SPRED1: variants seen among roughly 807,000 people sequenced by gnomAD.
SPRED1 encodes sprouty-related, EVH1 domain-containing protein 1.
SPRED1 carries 18 observed loss-of-function variants against 52.3 expected under a neutral mutation model. The ratio of observed to expected loss-of-function variants is 0.34; its 90% CI spans 0.24 to 0.51. The LOEUF is 0.51. Ranked by LOEUF, SPRED1 falls within the 20% of genes least tolerant of loss-of-function variation. The pLI is 0.97. For missense variants in SPRED1, 485 were observed against 551.0 expected (o/e 0.88, Z 1.20); for synonymous variants, 155 against 179.7 (o/e 0.86, Z 1.10).
chr15:38,254,280 C>G (rs1421187724), intron 1 of SPRED1, among the ~76,000 whole-genome samples: 2 of 152,104 alleles, frequency 1.3e-5, no homozygotes, highest in African/African-American at 4.8e-5. Flanking sequence ...TTTGAAATAA[C>G]TTTTTAAAGT....
chr15:38,348,356 A>G (rs1345483121), intron 5 of SPRED1, among the ~76,000 whole-genome samples: 1 of 151,874 alleles, frequency 6.6e-6, no homozygotes, highest in African/African-American at 2.4e-5. Flanking sequence ...AATGGCCTCC[A>G]TATTGTATCA....
In SPRED1 at chr15:38,351,420, A is replaced by G. The variant is rs1421262265; in HGVS notation, c.1091A>G (p.Tyr364Cys). 1.2e-6 allele frequency: 2 copies of G among 1,614,184 alleles called. No individual in the cohort carries two copies. Among genetic ancestry groups the G allele is most frequent in the East Asian group, 2.2e-5 (1 of 44,880 alleles). ...DAPDPIKRCIYQVSCMLCAES... is the reference protein window; with the variant it reads ...DAPDPIKRCICQVSCMLCAES... Reference sequence around the variant, plus strand: ...CCAGACCCTATTAAAAGATGCATATATCAAGTTAGTTGCATGCTCTGTGCA... The same window carrying G: ...CCAGACCCTATTAAAAGATGCATATGTCAAGTTAGTTGCATGCTCTGTGCA... The change falls in exon 7 of 7, where the codon TAT (tyrosine) becomes TGT (cysteine). Residue 364 changes from tyrosine to cysteine, a missense_variant. By Grantham distance (194) the Tyr-to-Cys change is radical. Around this residue, in one of 5 missense-constraint regions of SPRED1, gnomAD observed 205 missense variants for 245.2 expected, o/e 0.84. Transcript: ENST00000299084.
At chr15:38,345,868 G>A (rs115648380) in intron 5 of SPRED1, among the ~76,000 whole-genome samples, 328 of 152,194 alleles carry the variant, frequency 2.2e-3, no homozygotes, top group African/African-American at 7.4e-3. Flanking sequence ...CTGTACAGAC[G>A]TCCTTGAAAA....
intron 2 of SPRED1, among the ~76,000 whole-genome samples, chr15:38,313,560 G>A (rs1895411682): frequency 6.6e-6 from 1 of 151,456 alleles, no homozygotes; most frequent in Non-Finnish European, 1.5e-5. Context: ...AATTAAAGTA[G>A]GATAAATGAT....
At chr15:38,348,127 G>C (rs1896178740) in intron 5 of SPRED1, among the ~76,000 whole-genome samples, 1 of 151,954 alleles carries the variant, frequency 6.6e-6, no homozygotes, top group African/African-American at 2.4e-5. Context: ...TAATATACTA[G>C]TTGAGGTCAT....
intron 3 of SPRED1, 92 bp downstream of exon 3, chr15:38,322,501 C>G: frequency 1.5e-6 from 2 of 1,337,132 alleles, no homozygotes; most frequent in Non-Finnish European, 2.1e-6. Context: ...AGTTTTCACA[C>G]TTTAACCATG....
chr15:38,319,337 G>A lies in SPRED1; in HGVS notation c.208-2904G>A, dbSNP rs556548708. ...ATTTAATAGTAAATCTGTGTAAAATGCTTTAGCAAAGTGCCGACTCAAAAA... is the reference window on the plus strand; with the variant it reads ...ATTTAATAGTAAATCTGTGTAAAATACTTTAGCAAAGTGCCGACTCAAAAA... On this transcript the variant is annotated intron_variant, in intron 2 of 6. Transcript: ENST00000299084. Among the ~76,000 whole-genome samples, 3 of 152,252 alleles carry A rather than the reference G, an allele frequency of 2.0e-5. No individual in the cohort carries two copies. The East Asian group carries it at 5.8e-4, about 29-fold the overall frequency.
chr15:38,298,618 C>T, intron 1 of SPRED1: 2 of 247,490 alleles, frequency 8.1e-6, no homozygotes, highest in South Asian at 4.2e-5. Context: ...AGGCCCCAAA[C>T]AGGCAAAATC....
At chr15:38,342,030 T>TTG (rs2141009759) in intron 5 of SPRED1, among the ~76,000 whole-genome samples, 4 of 145,536 alleles carry the variant, frequency 2.7e-5, no homozygotes, top group Admixed American at 1.3e-4. Context: ...GGGTTTGGGT[T>TTG]TTTTTTTTTT....
At chr15:38,329,334 G>A (rs1011720868) in intron 4 of SPRED1, among the ~76,000 whole-genome samples, 6 of 152,090 alleles carry the variant, frequency 3.9e-5, no homozygotes, top group African/African-American at 1.4e-4. Flanking sequence ...TCATTTCTGA[G>A]CCAAAATGAT....
At chr15:38,283,436 CA>C in intron 1 of SPRED1, 1 of 796,874 alleles carries the variant, frequency 1.3e-6, no homozygotes, top group Non-Finnish European at 1.5e-6. Flanking sequence ...GATATGTAGA[CA>C]AGGTCAGCAT....
At chr15:38,283,431 G>A (rs981238480) in intron 1 of SPRED1, 1 of 752,304 alleles carries the variant, frequency 1.3e-6, no homozygotes, top group African/African-American at 1.9e-5. Flanking sequence ...GAAGGGATAT[G>A]TAGACAAGGT....
intron 2 of SPRED1, among the ~76,000 whole-genome samples, chr15:38,320,405 G>A (rs1895577979): frequency 6.6e-6 from 1 of 152,172 alleles, no homozygotes; most frequent in African/African-American, 2.4e-5. Flanking sequence ...CTCATGCAGG[G>A]CCTAGTAGGT....
chr15:38,316,715 C>T (rs1048397676), intron 2 of SPRED1, among the ~76,000 whole-genome samples: 7 of 94,310 alleles, frequency 7.4e-5, no homozygotes, highest in South Asian at 3.8e-4. Flanking sequence ...GAATTTGTTG[C>T]GGCTTTTTCT....
Position 38,253,030 on chromosome 15 carries a change from G to C in SPRED1, c.-156G>C. 2 of 700,152 alleles carry C rather than the reference G, an allele frequency of 2.9e-6. No individual in the cohort carries two copies. The highest frequency in any genetic ancestry group is 1.8e-5 in the African/African-American group (1 of 56,942). 43.4% of individuals were successfully genotyped at this position (700,152 alleles called of 1,614,324 possible). On this transcript the variant is annotated 5_prime_UTR_variant, in exon 1 of 7. Transcript: ENST00000299084. ...GTGGCCGGGGTTCCCGGCTGGGGGGGTACCGTTCTGGGTGAGGCATCCACC... is the reference window on the plus strand; with the variant it reads ...GTGGCCGGGGTTCCCGGCTGGGGGGCTACCGTTCTGGGTGAGGCATCCACC...
intron 1 of SPRED1, among the ~76,000 whole-genome samples, chr15:38,290,607 C>G (rs1894902958): frequency 1.3e-5 from 2 of 152,260 alleles, no homozygotes; most frequent in African/African-American, 2.4e-5. Flanking sequence ...ACTTATAGTT[C>G]CGCATGGCTG....
At chr15:38,265,319 A>G (rs1894286663) in intron 1 of SPRED1, among the ~76,000 whole-genome samples, 1 of 152,200 alleles carries the variant, frequency 6.6e-6, no homozygotes, top group African/African-American at 2.4e-5. Flanking sequence ...ATAAAAGAAT[A>G]TTAAACAGAA....
chr15:38,351,834 T>C lies in SPRED1; in HGVS notation c.*170T>C. 2.6e-6 allele frequency: 2 copies of C among 759,082 alleles called. No individual in the cohort carries two copies. The highest frequency in any genetic ancestry group is 4.3e-6 in the Non-Finnish European group (2 of 468,936). The allele number at this position is 759,082 out of a possible 1,614,324, so 47.0% of individuals were successfully genotyped here. ...TGGCGTTTCACGCCATGCCTAACTT[T>C]TCCCTTGAGTGCATGGCATGTTTTG... On this transcript the variant is annotated 3_prime_UTR_variant, in exon 7 of 7. Coordinates refer to ENST00000299084, the MANE Select transcript of SPRED1 (RefSeq NM_152594.3).
rs939417748 is a variant in SPRED1, at chr15:38,342,011, T to C, written c.582+2116T>C. Among the ~76,000 whole-genome samples the C allele has an allele frequency of 1.5e-4, 23 of 150,866 alleles. 1 individual carries two copies. The highest frequency in any genetic ancestry group is 5.6e-4 in the African/African-American group (23 of 41,202). ...CATTTCAGACCTCTCTTTTAAACCATATATAGTTGGGTTTGGGTTTTTTTT... is the reference window on the plus strand; with the variant it reads ...CATTTCAGACCTCTCTTTTAAACCACATATAGTTGGGTTTGGGTTTTTTTT... On this transcript the variant is annotated intron_variant, in intron 5 of 6. Coordinates refer to ENST00000299084, the MANE Select transcript of SPRED1 (RefSeq NM_152594.3).
Sources: allele counts gnomAD v4.1 joint callset (sites outside exome capture counted in the v4.1 genomes callset), GRCh38; gene constraint gnomAD v4.1.1; regional missense constraint gnomAD v4.1.1; transcripts MANE v1.5; gene names NCBI Gene and HGNC (gene_info 2026-07-23, HGNC 2026-07-21).